The following P2RY2 variants were observed in gnomAD, a reference collection of about 807,000 sequenced individuals.
The protein encoded by P2RY2 is P2Y purinoceptor 2.
For missense variants in P2RY2, 567 were observed against 515.7 expected, an observed-to-expected ratio of 1.10 and a Z score of -0.96; for synonymous variants, 241 against 231.9, an observed-to-expected ratio of 1.04 and a Z score of -0.35.
chr11:73,223,309 C>T (rs754677872), intron 1 of P2RY2, among the ~76,000 whole-genome samples: 2 of 152,146 alleles, frequency 1.3e-5, no homozygotes, highest in Non-Finnish European at 1.5e-5. Context: ...CCTGCTCCTC[C>T]TCAAATCTTA....
At chr11:73,232,168 C>A (rs1182243759) in intron 2 of P2RY2, among the ~76,000 whole-genome samples, 3 of 152,200 alleles carry the variant, frequency 2.0e-5, no homozygotes, top group African/African-American at 4.8e-5. Flanking sequence ...CAGACACACC[C>A]CCACACAGGC....
In P2RY2 at chr11:73,236,450, T is replaced by G. The variant is rs1185067652; in HGVS notation, c.*1157T>G. 4.3e-6 allele frequency: 3 copies of G among 697,386 alleles called. No homozygotes were observed. Among genetic ancestry groups the G allele is most frequent in the South Asian group, 1.3e-4 (2 of 15,712 alleles). The allele number at this position is 697,386 out of a possible 1,614,324, so 43.2% of individuals were successfully genotyped here. A position where few individuals can be genotyped will look rare whatever the true frequency, so the allele number is the denominator to read the frequency against. On this transcript the variant is annotated 3_prime_UTR_variant, in exon 3 of 3. Transcript: ENST00000393597. ...GTGGCTGGGGCTGTGAGCCAGGGGG[T>G]CAGGGAAGGGTTCCTGGAGTGGGAG...
At chr11:73,233,714 C>T (rs1862528498) in intron 2 of P2RY2, among the ~76,000 whole-genome samples, 1 of 152,190 alleles carries the variant, frequency 6.6e-6, no homozygotes, top group South Asian at 2.1e-4. Flanking sequence ...CTAGGCTGGG[C>T]TTAAACACCT....
In P2RY2 at chr11:73,235,696, C is replaced by T. The variant is rs1375764477; in HGVS notation, c.*403C>T. 3.0e-6 allele frequency: 3 copies of T among 1,010,420 alleles called. No individual in the cohort carries two copies. The highest frequency in any genetic ancestry group is 1.2e-4 in the Admixed American group (2 of 16,698). 62.6% of individuals were successfully genotyped at this position (1,010,420 alleles called of 1,614,324 possible). A position where few individuals can be genotyped will look rare whatever the true frequency, so the allele number is the denominator to read the frequency against. ...TCACATACCAGAGTCTGGAGCTGAG[C>T]TACCTGGGGTGGGGGCCAAGTCACA... On this transcript the variant is annotated 3_prime_UTR_variant, in exon 3 of 3. Coordinates refer to ENST00000393597, the MANE Select transcript of P2RY2 (RefSeq NM_002564.4).
intron 2 of P2RY2, among the ~76,000 whole-genome samples, chr11:73,230,898 G>C (rs1862434419): frequency 8.2e-6 from 1 of 121,944 alleles, no homozygotes. Flanking sequence ...TTTGAGAAAG[G>C]CCACTCTGGA....
chr11:73,234,091 G>A (rs941278956), intron 2 of P2RY2, 65 bp from the exon 3 acceptor site: 6 of 1,519,486 alleles, frequency 3.9e-6, no homozygotes, highest in Non-Finnish European at 5.3e-6. Flanking sequence ...TCAGGTGGCT[G>A]TGTCAGGTCC....
chr11:73,221,052 C>T (rs1862101944), intron 1 of P2RY2, among the ~76,000 whole-genome samples: 1 of 152,104 alleles, frequency 6.6e-6, no homozygotes, highest in Admixed American at 6.5e-5. Flanking sequence ...AAGATAGTGA[C>T]CAGGGAAGAG....
In P2RY2 at chr11:73,236,752, A is replaced by G. The variant is rs927753494; in HGVS notation, c.*1459A>G. The G allele has an allele frequency of 8.1e-6, 8 of 985,274 alleles. No individual in the cohort carries two copies. In the African/African-American group the frequency reaches 1.4e-4, roughly 17 times the overall value. The allele number at this position is 985,274 out of a possible 1,614,324, so 61.0% of individuals were successfully genotyped here. On this transcript the variant is annotated 3_prime_UTR_variant, in exon 3 of 3. Transcript: ENST00000393597. Reference sequence around the variant, plus strand: ...CCTGTCCATCGTCTGCCTTCTGGGAAAATCCCAGAATGGCAGGGTGGTGCT... The same window carrying G: ...CCTGTCCATCGTCTGCCTTCTGGGAGAATCCCAGAATGGCAGGGTGGTGCT...
intron 2 of P2RY2, among the ~76,000 whole-genome samples, chr11:73,233,740 C>T (rs1208952314): frequency 1.3e-5 from 2 of 152,194 alleles, no homozygotes; most frequent in African/African-American, 4.8e-5. Context: ...CTGCCTTGGC[C>T]TCCTGAGTGG....
Position 73,235,197 on chromosome 11 carries a change from G to A in P2RY2, c.1038G>A (p.Met346Ile). 1.2e-6 allele frequency: 2 copies of A among 1,612,578 alleles called. No individual in the cohort carries two copies. Among genetic ancestry groups the A allele is most frequent in the Non-Finnish European group, 1.7e-6 (2 of 1,179,694 alleles). ...TGCGCAGATCCGACAGAACTGACAT[G>A]CAGAGGATAGAAGATGTGTTGGGCA... ...LGLRRSDRTDMQRIEDVLGSS... is the reference protein window; with the variant it reads ...LGLRRSDRTDIQRIEDVLGSS... Residue 346 changes from methionine (M) to isoleucine (I), a missense_variant, in exon 3 of 3, where the codon ATG becomes ATA. Transcript: ENST00000393597.
chr11:73,241,113 G>A lies in P2RY2; in HGVS notation c.*5820G>A, dbSNP rs1028171314. 1.3e-5 allele frequency: 2 copies of A among 152,254 alleles called. No homozygotes were observed. The highest frequency in any genetic ancestry group is 1.3e-4 in the Admixed American group (2 of 15,284). The allele number at this position is 152,254 out of a possible 1,614,324, so 9.4% of individuals were successfully genotyped here. A position where few individuals can be genotyped will look rare whatever the true frequency, so the allele number is the denominator to read the frequency against. On this transcript the variant is annotated 3_prime_UTR_variant, in exon 3 of 3. Coordinates refer to ENST00000393597, the MANE Select transcript of P2RY2 (RefSeq NM_002564.4). ...GTGAGGATATAATGAGAAGTTGGCAGTCTGCAACCTGGAAGAGGTCCCTCA... is the reference window on the plus strand; with the variant it reads ...GTGAGGATATAATGAGAAGTTGGCAATCTGCAACCTGGAAGAGGTCCCTCA...
In P2RY2 at chr11:73,236,849, A is replaced by T. The variant is rs1019049497; in HGVS notation, c.*1556A>T. 15 of 984,842 alleles carry T rather than the reference A, an allele frequency of 1.5e-5. No individual in the cohort carries two copies. The highest frequency in any genetic ancestry group is 1.8e-5 in the Non-Finnish European group (15 of 829,796). The allele number at this position is 984,842 out of a possible 1,614,324, so 61.0% of individuals were successfully genotyped here. On this transcript the variant is annotated 3_prime_UTR_variant, in exon 3 of 3. Coordinates refer to ENST00000393597, the MANE Select transcript of P2RY2 (RefSeq NM_002564.4). ...ATAGGTTCTGAGTCTAGCCAGGACC[A>T]CTCTGGGCTGACGTGTGGCGCTCAG... is the stretch of plus-strand genomic sequence containing the variant.
chr11:73,220,678 G>T (rs931297890), intron 1 of P2RY2, among the ~76,000 whole-genome samples: 2 of 152,192 alleles, frequency 1.3e-5, no homozygotes, highest in Non-Finnish European at 2.9e-5. Flanking sequence ...AAGGCTTGTC[G>T]CTCTTTCTCC....
rs559442375 is a variant in P2RY2 at position 73,235,111 on chromosome 11, C to T, written c.952C>T (p.Arg318Ter). ...LAGQRLVRFA[R>*]DAKPPTGPSP... ...TGGGCAGAGGCTCGTACGCTTTGCCCGAGATGCCAAGCCACCCACTGGCCC... is the reference window on the plus strand; with the variant it reads ...TGGGCAGAGGCTCGTACGCTTTGCCTGAGATGCCAAGCCACCCACTGGCCC... Residue 318 changes from arginine to a stop codon, truncating the protein, a stop_gained, in exon 3 of 3, where the codon CGA becomes TGA. Transcript: ENST00000393597. LOFTEE classifies it low-confidence loss of function (END_TRUNC). The T allele has an allele frequency of 1.2e-4, 191 of 1,606,874 alleles. No homozygotes were observed. Among genetic ancestry groups the T allele is most frequent in the South Asian group, 1.2e-3 (105 of 90,914 alleles).
Position 73,235,151 on chromosome 11 carries a change from C to G in P2RY2, c.992C>G (p.Pro331Arg), listed in dbSNP as rs200977338. The change falls in exon 3 of 3, where the codon CCG becomes CGG. Residue 331 changes from proline (P) to arginine (R), a missense_variant. Physicochemically the swap from Pro to Arg is moderately radical, Grantham distance 103. Coordinates refer to ENST00000393597, the MANE Select transcript of P2RY2 (RefSeq NM_002564.4). ...KPPTGPSPAT[P>R]ARRRLGLRRS... ...CCCACTGGCCCCAGCCCTGCCACCC[C>G]GGCTCGCCGCAGGCTGGGCCTGCGC... 6.8e-6 allele frequency: 11 copies of G among 1,607,632 alleles called. No homozygotes were observed. The highest frequency in any genetic ancestry group is 9.3e-6 in the Non-Finnish European group (11 of 1,179,164).
At chr11:73,234,048 C>CAG (rs1862537639) in intron 2 of P2RY2, 108 bp from the exon 3 acceptor site, 8 of 1,360,596 alleles carry the variant, frequency 5.9e-6, no homozygotes, top group Non-Finnish European at 7.9e-6. Flanking sequence ...GTTCCAGGTC[C>CAG]AGATCCAAGT....
At chr11:73,230,391 C>A (rs754683782) in intron 2 of P2RY2, among the ~76,000 whole-genome samples, 25 of 152,008 alleles carry the variant, frequency 1.6e-4, no homozygotes, top group Non-Finnish European at 2.6e-4. Flanking sequence ...AGCCTCCAGT[C>A]CCACCTCCAC....
At position 73,236,132 on chromosome 11, in the gene P2RY2, T is replaced by G; in HGVS notation, c.*839T>G. The G allele has an allele frequency of 2.0e-6, 2 of 1,000,312 alleles. No homozygotes were observed. The highest frequency in any genetic ancestry group is 2.4e-6 in the Non-Finnish European group (2 of 829,970). 62.0% of individuals were successfully genotyped at this position (1,000,312 alleles called of 1,614,324 possible). A position where few individuals can be genotyped will look rare whatever the true frequency, so the allele number is the denominator to read the frequency against. On this transcript the variant is annotated 3_prime_UTR_variant, in exon 3 of 3. Transcript: ENST00000393597. ...TGTAAAGCCAGTTGGCTTCTGTGCC[T>G]GACTCTGTGCTGAGCACAGAGAAAA...
At chr11:73,222,494 G>A (rs898461121) in intron 1 of P2RY2, among the ~76,000 whole-genome samples, 1 of 152,104 alleles carries the variant, frequency 6.6e-6, no homozygotes, top group Non-Finnish European at 1.5e-5. Flanking sequence ...GCTCCTCAGT[G>A]TCCTTAGAAT....
Sources: allele counts gnomAD v4.1 joint callset (sites outside exome capture counted in the v4.1 genomes callset), GRCh38; gene constraint gnomAD v4.1.1; transcripts MANE v1.5; gene names NCBI Gene and HGNC (gene_info 2026-07-23, HGNC 2026-07-21).